The following MAST2 variants were observed in gnomAD, a reference collection of about 807,000 sequenced individuals.
MAST2 encodes microtubule associated serine/threonine kinase 2, also known as microtubule-associated serine/threonine-protein kinase 2.
Under a neutral mutation model 147.4 loss-of-function variants are expected in MAST2, and 70 were observed. The ratio of observed to expected loss-of-function variants is 0.47; its 90% confidence interval spans 0.39 to 0.58. The LOEUF (loss-of-function observed/expected upper bound fraction) is 0.58, where lower values mean the gene tolerates loss of function less well. MAST2 is among the 20% of genes least tolerant of loss of function. MAST2 has a pLI of 0.00. For missense variants in MAST2, 2,080 were observed against 2,302.3 expected, an observed-to-expected ratio of 0.90 and a Z score of 1.98; for synonymous variants, 869 against 896.8, an observed-to-expected ratio of 0.97 and a Z score of 0.55.
At chr1:45,935,705 T>C (rs113263598) in intron 4 of MAST2, among the ~76,000 whole-genome samples, 1 of 152,228 alleles carries the variant, frequency 6.6e-6, no homozygotes, top group African/African-American at 2.4e-5. Flanking sequence ...TGTAGATGTG[T>C]GGCTTTGTTT....
rs375310788 is a variant in MAST2 at position 46,036,034 on chromosome 1, T to C, written c.5365T>C (p.Leu1789=). ...GGHQKHRDLA[L]VPDELLKQT ...CCATCAAAAGCATCGGGATTTGGCA[T>C]TGGTTCCAGATGAGCTTTTAAAGCA... Residue 1789 remains leucine (L), a synonymous_variant, in exon 29 of 29, where the codon TTG becomes CTG. Coordinates refer to ENST00000361297, the MANE Select transcript of MAST2 (RefSeq NM_015112.3). 1.9e-6 allele frequency: 3 copies of C among 1,612,394 alleles called. No individual in the cohort carries two copies. The highest frequency in any genetic ancestry group is 2.7e-5 in the African/African-American group (2 of 74,894).
chr1:45,889,094 C>T (rs1187889794), intron 4 of MAST2, among the ~76,000 whole-genome samples: 1 of 152,150 alleles, frequency 6.6e-6, no homozygotes, highest in Non-Finnish European at 1.5e-5. Context: ...TGGCATTGCT[C>T]ACCCTCAGTC....
At position 46,035,116 on chromosome 1, in the gene MAST2, C is replaced by A. The variant is rs1306598921; in HGVS notation, c.4447C>A (p.Gln1483Lys). The stretch of plus-strand genomic sequence containing the variant: ...CTCACGGGCCCTAGGCACCCTCCGG[C>A]AGGACCGAGCCGAACGACGGGAGTC... Reference protein sequence around the residue: ...APSRALGTLRQDRAERRESLQ... With the variant: ...APSRALGTLRKDRAERRESLQ... Residue 1483 changes from glutamine to lysine, a missense_variant, in exon 29 of 29, where the codon CAG (glutamine) becomes AAG (lysine). By Grantham distance (53) the Gln-to-Lys change is moderately conservative. Transcript: ENST00000361297. This position sits in a 1 kb window ranked among gnomAD's most constrained non-coding sequence, Gnocchi z 5.5. 6.2e-7 allele frequency: 1 copy of A among 1,613,622 alleles called. No individual in the cohort carries two copies.
intron 5 of MAST2, among the ~76,000 whole-genome samples, chr1:45,962,958 A>G (rs2148932179): frequency 6.6e-6 from 1 of 152,252 alleles, no homozygotes; most frequent in East Asian, 1.9e-4. Context: ...TAAGGAAGGG[A>G]TCCAGTTTCA....
chr1:45,982,357 G>T (rs958477004), intron 5 of MAST2, among the ~76,000 whole-genome samples: 1 of 152,140 alleles, frequency 6.6e-6, no homozygotes, highest in Non-Finnish European at 1.5e-5. Context: ...CTCGTAGTGG[G>T]CCCCTGGATA....
At chr1:45,898,809 C>T (rs538358829) in intron 4 of MAST2, among the ~76,000 whole-genome samples, 2 of 152,330 alleles carry the variant, frequency 1.3e-5, no homozygotes, top group East Asian at 1.9e-4. Flanking sequence ...TGCACTGCTG[C>T]ATTGCCCCCA....
intron 3 of MAST2, among the ~76,000 whole-genome samples, chr1:45,869,911 T>TTTGTTTGTTTG (rs140012262): frequency 4.6e-5 from 7 of 150,806 alleles, no homozygotes; most frequent in African/African-American, 1.7e-4. Flanking sequence ...CCTGTGATTC[T>TTTGTTTGTTTG]TTTGTTTGTT....
chr1:45,882,995 A>G (rs1365817602), intron 4 of MAST2, among the ~76,000 whole-genome samples: 3 of 152,182 alleles, frequency 2.0e-5, no homozygotes, highest in Non-Finnish European at 2.9e-5. Flanking sequence ...AATTTGGCCA[A>G]TCAGAATCTC....
intron 3 of MAST2, among the ~76,000 whole-genome samples, chr1:45,853,921 G>A (rs1192946317): frequency 1.3e-5 from 2 of 152,080 alleles, no homozygotes; most frequent in Non-Finnish European, 2.9e-5. Context: ...TGTGTATAGT[G>A]TGAGTTGTAG....
At chr1:45,969,348 T>C (rs556969069) in intron 5 of MAST2, among the ~76,000 whole-genome samples, 92 of 152,290 alleles carry the variant, frequency 6.0e-4, no homozygotes, top group Middle Eastern at 6.8e-3. Context: ...AAGTGTTCCA[T>C]AGCAGGGATC....
At chr1:45,941,803 T>C (rs1657336476) in intron 4 of MAST2, among the ~76,000 whole-genome samples, 1 of 152,234 alleles carries the variant, frequency 6.6e-6, no homozygotes, top group East Asian at 1.9e-4. Flanking sequence ...CATTCAGTCT[T>C]GTTGTCAAAT....
intron 5 of MAST2, among the ~76,000 whole-genome samples, chr1:45,991,953 T>C (rs1030344902): frequency 3.9e-5 from 6 of 152,218 alleles, no homozygotes; most frequent in African/African-American, 1.4e-4. Flanking sequence ...GGTCTTGAAC[T>C]CCTGGGCTCA....
intron 3 of MAST2, among the ~76,000 whole-genome samples, chr1:45,832,678 C>T (rs1253881101): frequency 6.6e-6 from 1 of 152,168 alleles, no homozygotes; most frequent in African/African-American, 2.4e-5. Context: ...GAATATTCCA[C>T]TTTAAGGTGG....
chr1:45,915,490 C>G (rs1652344329), intron 4 of MAST2, among the ~76,000 whole-genome samples: 1 of 152,080 alleles, frequency 6.6e-6, no homozygotes, highest in African/African-American at 2.4e-5. Context: ...GCGGGCGGAT[C>G]ACGAGGTCAG....
chr1:45,915,938 GTGAAAATTCTTTTTGAAAA>G (rs1337880277), intron 4 of MAST2, among the ~76,000 whole-genome samples: 1 of 152,098 alleles, frequency 6.6e-6, no homozygotes, highest in African/African-American at 2.4e-5. Context: ...CTTTGGAAGA[GTGAAAATTCTTTTTGAAAA>G]TGAGAAATTA....
At chr1:45,944,082 C>A (rs917649743) in intron 4 of MAST2, among the ~76,000 whole-genome samples, 1 of 152,130 alleles carries the variant, frequency 6.6e-6, no homozygotes, top group Non-Finnish European at 1.5e-5. Context: ...CAGACAAGAC[C>A]TCTTTTCTAG....
At chr1:45,891,228 A>T (rs1332237995) in intron 4 of MAST2, among the ~76,000 whole-genome samples, 1 of 152,214 alleles carries the variant, frequency 6.6e-6, no homozygotes, top group Non-Finnish European at 1.5e-5. Flanking sequence ...GTACTAGCTC[A>T]CACCTGTAAT....
At chr1:45,904,766 C>T (rs1348251239) in intron 4 of MAST2, among the ~76,000 whole-genome samples, 1 of 151,930 alleles carries the variant, frequency 6.6e-6, no homozygotes, top group Non-Finnish European at 1.5e-5. Context: ...GCACCCAACC[C>T]AGACTGTCAT....
chr1:45,816,221 AAGAGAGAGAG>A, intron 1 of MAST2, among the ~76,000 whole-genome samples: 1 of 134,828 alleles, frequency 7.4e-6, no homozygotes, highest in East Asian at 2.3e-4. Context: ...GAGAGAGAGA[AAGAGAGAGAG>A]AGAGAGAGAG....
Sources: allele counts gnomAD v4.1 joint callset (sites outside exome capture counted in the v4.1 genomes callset), GRCh38; gene constraint gnomAD v4.1.1; non-coding constraint Gnocchi (gnomAD v3.1); transcripts MANE v1.5; gene names NCBI Gene and HGNC (gene_info 2026-07-23, HGNC 2026-07-21).